HS3ST3B1: variants seen among roughly 807,000 people sequenced by gnomAD.
The protein encoded by HS3ST3B1 is heparan sulfate-glucosamine 3-sulfotransferase 3B1.
A neutral mutation model predicts 21.3 loss-of-function variants in HS3ST3B1; 13 were observed. That is an observed-to-expected ratio of 0.61 (90% CI 0.40 to 0.97). The LOEUF (loss-of-function observed/expected upper bound fraction) is 0.97. Among genes scored for constraint, HS3ST3B1 ranks in the 50% least tolerant of loss-of-function variants. The pLI is 0.00. For synonymous variants in HS3ST3B1, 234 were observed against 254.8 expected, an observed-to-expected ratio of 0.92 and a Z score of 0.78; for missense variants, 459 against 554.8, an observed-to-expected ratio of 0.83 and a Z score of 1.73.
chr17:14,316,422 A>G (rs1244302130), intron 1 of HS3ST3B1, among the ~76,000 whole-genome samples: 1 of 152,120 alleles, frequency 6.6e-6, no homozygotes, highest in Non-Finnish European at 1.5e-5. Context: ...TAAGCAGGCT[A>G]ATTGCAGGTT....
At chr17:14,316,379 G>T (rs753205895) in intron 1 of HS3ST3B1, among the ~76,000 whole-genome samples, 1 of 152,212 alleles carries the variant, frequency 6.6e-6, no homozygotes, top group Non-Finnish European at 1.5e-5. Flanking sequence ...TTTCAAGTCG[G>T]GTCTTGCTTT....
intron 1 of HS3ST3B1, among the ~76,000 whole-genome samples, chr17:14,316,934 G>T (rs894026020): frequency 6.6e-5 from 10 of 152,226 alleles, no homozygotes; most frequent in African/African-American, 2.2e-4. Context: ...GCTTGCCATA[G>T]TTATCTTATT....
In HS3ST3B1 at chr17:14,345,049, G is replaced by A; in HGVS notation, c.576G>A (p.Leu192=). 6.2e-7 allele frequency: 1 copy of A among 1,601,504 alleles called. No individual in the cohort carries two copies. Among genetic ancestry groups the A allele is most frequent in the Middle Eastern group, 1.7e-4 (1 of 5,988 alleles). ...AWYRDLMPRT[L]DGQITMEKTP... ...TCAGGGACCTGATGCCCAGAACCCT[G>A]GACGGGCAGATCACCATGGAGAAGA... Residue 192 remains leucine, a synonymous_variant, in exon 2 of 2, where the codon CTG becomes CTA. Coordinates refer to ENST00000360954, the MANE Select transcript of HS3ST3B1 (RefSeq NM_006041.3).
rs1859906 is a variant in HS3ST3B1 at position 14,347,371 on chromosome 17, A to G, written c.*1725A>G. ...GTAATACAGGGGCAGTTGGTTAAACATATAGCAATATCACATAATGATATG... is the reference window on the plus strand; with the variant it reads ...GTAATACAGGGGCAGTTGGTTAAACGTATAGCAATATCACATAATGATATG... On this transcript the variant is annotated 3_prime_UTR_variant, in exon 2 of 2. Transcript: ENST00000360954. 0.43 allele frequency: 65,936 copies of G among 152,124 alleles called. 17,377 individuals are homozygous for G. The highest frequency in any genetic ancestry group is 0.58 in the East Asian group (2,993 of 5,166). The allele number at this position is 152,124 out of a possible 1,614,324, so 9.4% of individuals were successfully genotyped here. A position where few individuals can be genotyped will look rare whatever the true frequency, so the allele number is the denominator to read the frequency against.
chr17:14,301,703 T>A lies in HS3ST3B1; in HGVS notation c.185T>A (p.Leu62Gln). 6.2e-7 allele frequency: 1 copy of A among 1,601,570 alleles called. No individual in the cohort carries two copies. Among genetic ancestry groups the A allele is most frequent in the Non-Finnish European group, 8.5e-7 (1 of 1,176,166 alleles). Residue 62 changes from leucine (L) to glutamine (Q), a missense_variant, in exon 1 of 2, where the codon CTG becomes CAG. This residue lies in a region of HS3ST3B1 where 317 missense variants were observed against 278.6 expected (regional missense o/e 1.14). Transcript: ENST00000360954. ...TCCTGCGCCGCCGCGCCGGGGCTGC[T>A]GCTCCTGGGCTCTGGGTCCCGCGCC... ...AGSCAAAPGL[L>Q]LLGSGSRAAH...
intron 1 of HS3ST3B1, among the ~76,000 whole-genome samples, chr17:14,337,408 A>G (rs1433205858): frequency 6.7e-6 from 1 of 149,916 alleles, no homozygotes; most frequent in Non-Finnish European, 1.5e-5. Flanking sequence ...GCTCACTGCA[A>G]CCTCCATCTC....
At chr17:14,330,976 A>G (rs571871560) in intron 1 of HS3ST3B1, among the ~76,000 whole-genome samples, 6 of 152,262 alleles carry the variant, frequency 3.9e-5, no homozygotes, top group African/African-American at 7.2e-5. Flanking sequence ...AACTACTTCA[A>G]CTGCAGCTGG....
intron 1 of HS3ST3B1, among the ~76,000 whole-genome samples, chr17:14,326,116 G>A (rs535163941): frequency 4.4e-4 from 67 of 152,238 alleles, no homozygotes; most frequent in African/African-American, 1.6e-3. Flanking sequence ...AACAAGGAGT[G>A]TATAGAAATA....
chr17:14,312,994 A>T (rs35465791), intron 1 of HS3ST3B1, among the ~76,000 whole-genome samples: 46,919 of 144,634 alleles, frequency 0.32, 8,465 homozygotes, highest in East Asian at 0.45. Context: ...AACCTCTGCC[A>T]CCTGGGTTCA....
intron 1 of HS3ST3B1, among the ~76,000 whole-genome samples, chr17:14,331,471 T>C (rs1910009909): frequency 6.6e-6 from 1 of 152,016 alleles, no homozygotes; most frequent in Non-Finnish European, 1.5e-5. Context: ...TTCTGAGCAG[T>C]ATTGAAATTC....
At chr17:14,338,519 T>G (rs1910266461) in intron 1 of HS3ST3B1, among the ~76,000 whole-genome samples, 1 of 151,668 alleles carries the variant, frequency 6.6e-6, no homozygotes, top group Non-Finnish European at 1.5e-5. Flanking sequence ...CTCGGCTCAC[T>G]GCAACCTCTG....
At chr17:14,321,300 T>G (rs1909651204) in intron 1 of HS3ST3B1, among the ~76,000 whole-genome samples, 1 of 152,206 alleles carries the variant, frequency 6.6e-6, no homozygotes, top group South Asian at 2.1e-4. Flanking sequence ...ATTGGATTGA[T>G]TCTGGCTCCT....
intron 1 of HS3ST3B1, among the ~76,000 whole-genome samples, chr17:14,321,243 A>G (rs1450331250): frequency 6.6e-6 from 1 of 152,186 alleles, no homozygotes; most frequent in African/African-American, 2.4e-5. Context: ...TACTCCCCAT[A>G]TGATGGTAAT....
At chr17:14,314,785 G>T (rs1469245956) in intron 1 of HS3ST3B1, among the ~76,000 whole-genome samples, 4 of 152,140 alleles carry the variant, frequency 2.6e-5, no homozygotes. Flanking sequence ...CTCACACTGG[G>T]CAGCTTCTCT....
chr17:14,329,342 AAAG>A (rs1909913359), intron 1 of HS3ST3B1: 8 of 111,802 alleles, frequency 7.2e-5, no homozygotes, highest in East Asian at 2.6e-4. Flanking sequence ...AGAAAGAAAG[AAAG>A]AAAGAAAGAA....
chr17:14,313,106 G>A (rs1256984810), intron 1 of HS3ST3B1, among the ~76,000 whole-genome samples: 7 of 92,642 alleles, frequency 7.6e-5, no homozygotes, highest in African/African-American at 1.5e-4. Flanking sequence ...GTGTGTGTGT[G>A]TGTATATATA....
At chr17:14,309,671 T>C (rs1597587218) in intron 1 of HS3ST3B1, among the ~76,000 whole-genome samples, 1 of 152,334 alleles carries the variant, frequency 6.6e-6, no homozygotes, top group Middle Eastern at 3.4e-3. Flanking sequence ...AGCTGTTCTA[T>C]TGTGCTCTCT....
intron 1 of HS3ST3B1, among the ~76,000 whole-genome samples, chr17:14,343,392 G>A (rs1486756203): frequency 6.6e-6 from 1 of 152,156 alleles, no homozygotes; most frequent in East Asian, 1.9e-4. Context: ...ATTATTAACT[G>A]TGGTCACTGT....
At chr17:14,327,920 A>T (rs1420064100) in intron 1 of HS3ST3B1, 1 of 152,230 alleles carries the variant, frequency 6.6e-6, no homozygotes. Context: ...GGAAATGGTC[A>T]TTAGGCTTAA....
Sources: allele counts gnomAD v4.1 joint callset (sites outside exome capture counted in the v4.1 genomes callset), GRCh38; gene constraint gnomAD v4.1.1; regional missense constraint gnomAD v4.1.1; transcripts MANE v1.5; gene names NCBI Gene and HGNC (gene_info 2026-07-23, HGNC 2026-07-21).